Variants in KLHL2 observed in about 807,000 individuals in gnomAD.
KLHL2 encodes kelch-like protein 2.
In KLHL2, 15 loss-of-function variants were observed where a neutral mutation model predicts 75.8. That is an observed-to-expected ratio of 0.20 (90% CI 0.13 to 0.30). The LOEUF (loss-of-function observed/expected upper bound fraction) is 0.30. KLHL2 is among the 10% of genes least tolerant of loss of function. The pLI is 1.00. For missense variants in KLHL2, 381 were observed against 741.0 expected (o/e 0.51, Z 5.64); for synonymous variants, 214 against 251.9 (o/e 0.85, Z 1.42).
chr4:165,303,594 G>A (rs933477354), intron 8 of KLHL2, among the ~76,000 whole-genome samples: 2 of 150,744 alleles, frequency 1.3e-5, no homozygotes, highest in African/African-American at 2.4e-5. Context: ...ATAGAGTGTC[G>A]CTCTTTCGCC....
chr4:165,284,421 G>A (rs1335441413), intron 5 of KLHL2, among the ~76,000 whole-genome samples: 1 of 152,002 alleles, frequency 6.6e-6, no homozygotes, highest in Non-Finnish European at 1.5e-5. Flanking sequence ...CAGTTCTCTA[G>A]GGCAGGGACA....
intron 9 of KLHL2, among the ~76,000 whole-genome samples, chr4:165,308,845 T>A (rs1196046825): frequency 6.6e-6 from 1 of 152,110 alleles, no homozygotes; most frequent in Non-Finnish European, 1.5e-5. Context: ...CAGGCCCTCT[T>A]AGGATGTCTG....
At chr4:165,293,227 C>T (rs979266506) in intron 5 of KLHL2, among the ~76,000 whole-genome samples, 1 of 152,124 alleles carries the variant, frequency 6.6e-6, no homozygotes, top group Non-Finnish European at 1.5e-5. Context: ...GTCTTTTCCC[C>T]CCTTGGATGG....
chr4:165,221,728 A>G (rs1578980535), intron 2 of KLHL2, among the ~76,000 whole-genome samples: 1 of 152,270 alleles, frequency 6.6e-6, no homozygotes, highest in South Asian at 2.1e-4. Context: ...TGAATATTGG[A>G]TCATTTAATT....
At chr4:165,257,767 A>G (rs946106620) in intron 4 of KLHL2, among the ~76,000 whole-genome samples, 2 of 152,156 alleles carry the variant, frequency 1.3e-5, no homozygotes, top group Non-Finnish European at 2.9e-5. Flanking sequence ...TATGAGGTAC[A>G]CATTCTGAGA....
At chr4:165,281,616 T>C (rs1389852674) in intron 5 of KLHL2, among the ~76,000 whole-genome samples, 1 of 152,174 alleles carries the variant, frequency 6.6e-6, no homozygotes, top group Non-Finnish European at 1.5e-5. Context: ...TGCCCAGCCC[T>C]GATGCTCTCT....
chr4:165,277,774 C>G (rs1560796195), intron 5 of KLHL2: 1 of 617,262 alleles, frequency 1.6e-6, no homozygotes, highest in Non-Finnish European at 2.9e-6. Flanking sequence ...CACACACACA[C>G]ACACACACAC....
intron 5 of KLHL2, among the ~76,000 whole-genome samples, chr4:165,285,924 T>G (rs147885009): frequency 0.013 from 1,933 of 152,236 alleles, 19 homozygotes; most frequent in Non-Finnish European, 0.021. Flanking sequence ...GTTTGAAACG[T>G]AGGTATATCC....
intron 4 of KLHL2, 71 bp downstream of exon 4, chr4:165,238,970 C>T: frequency 6.5e-7 from 1 of 1,534,982 alleles, no homozygotes; most frequent in South Asian, 1.3e-5. Flanking sequence ...AGCACACCCA[C>T]ACAGTATACA....
chr4:165,262,513 C>G (rs1208563415), intron 4 of KLHL2, among the ~76,000 whole-genome samples: 1 of 152,162 alleles, frequency 6.6e-6, no homozygotes, highest in Non-Finnish European at 1.5e-5. Context: ...ACTAAGAGAA[C>G]AAAACCATTT....
intron 5 of KLHL2, among the ~76,000 whole-genome samples, chr4:165,274,183 A>G (rs1429581225): frequency 6.6e-6 from 1 of 152,220 alleles, no homozygotes; most frequent in African/African-American, 2.4e-5. Context: ...TAGATGACTC[A>G]ATACATACAT....
At chr4:165,253,267 C>T (rs916241080) in intron 4 of KLHL2, among the ~76,000 whole-genome samples, 1 of 152,198 alleles carries the variant, frequency 6.6e-6, no homozygotes, top group African/African-American at 2.4e-5. Flanking sequence ...CTCCTGATCT[C>T]AGGTGATCCA....
chr4:165,231,543 C>A (rs896193127), intron 3 of KLHL2, among the ~76,000 whole-genome samples: 1 of 152,278 alleles, frequency 6.6e-6, no homozygotes, highest in South Asian at 2.1e-4. Flanking sequence ...TTTTTGTTCT[C>A]ACATAATGTT....
At chr4:165,301,467 A>C (rs1024921369) in intron 8 of KLHL2, among the ~76,000 whole-genome samples, 1 of 152,232 alleles carries the variant, frequency 6.6e-6, no homozygotes, top group Non-Finnish European at 1.5e-5. Context: ...CAGTAAGTAC[A>C]TTAGCTAGTT....
intron 5 of KLHL2, among the ~76,000 whole-genome samples, chr4:165,281,927 G>A (rs1743725419): frequency 6.6e-6 from 1 of 152,206 alleles, no homozygotes; most frequent in Non-Finnish European, 1.5e-5. Context: ...AGCAACTGAT[G>A]ATTAAATGTC....
At chr4:165,289,659 A>G (rs986794217) in intron 5 of KLHL2, among the ~76,000 whole-genome samples, 3 of 152,090 alleles carry the variant, frequency 2.0e-5, no homozygotes, top group African/African-American at 7.2e-5. Flanking sequence ...TACACAATGA[A>G]TTTAGATCCC....
intron 4 of KLHL2, among the ~76,000 whole-genome samples, chr4:165,262,125 ATTGAC>A (rs1230147441): frequency 6.6e-6 from 1 of 152,190 alleles, no homozygotes; most frequent in Non-Finnish European, 1.5e-5. Context: ...TTTTTCTATT[ATTGAC>A]TTATTTGAAA....
intron 13 of KLHL2, among the ~76,000 whole-genome samples, chr4:165,315,532 T>C (rs529943538): frequency 6.6e-6 from 1 of 152,372 alleles, no homozygotes; most frequent in Middle Eastern, 3.4e-3. Context: ...CAATCAATGA[T>C]GTTTATTTTC....
intron 1 of KLHL2, among the ~76,000 whole-genome samples, chr4:165,213,189 A>C (rs1737318212): frequency 6.6e-6 from 1 of 152,128 alleles, no homozygotes; most frequent in African/African-American, 2.4e-5. Flanking sequence ...GGTTGCTACT[A>C]TTCTGATGAA....
Sources: allele counts gnomAD v4.1 joint callset (sites outside exome capture counted in the v4.1 genomes callset), GRCh38; gene constraint gnomAD v4.1.1; transcripts MANE v1.5; gene names NCBI Gene and HGNC (gene_info 2026-07-23, HGNC 2026-07-21).